MFAP3L: variants seen among roughly 807,000 people sequenced by gnomAD.
The protein encoded by MFAP3L is microfibril associated protein 3 like.
MFAP3L carries 5 observed loss-of-function variants against 20.0 expected under a neutral mutation model. That is an observed-to-expected ratio of 0.25 (90% confidence interval 0.13 to 0.53). The LOEUF (loss-of-function observed/expected upper bound fraction) is 0.53. Ranked by LOEUF, MFAP3L falls within the 20% of genes least tolerant of loss-of-function variation. The pLI, the probability that MFAP3L is intolerant of heterozygous loss-of-function variation, is 0.96. For missense variants in MFAP3L, 409 were observed against 527.5 expected, an observed-to-expected ratio of 0.78 and a Z score of 2.20; for synonymous variants, 219 against 213.0, an observed-to-expected ratio of 1.03 and a Z score of -0.25.
Position 169,992,801 on chromosome 4 carries a change from G to A in MFAP3L, c.299-492C>T, listed in dbSNP as rs778603670. On this transcript the variant is annotated intron_variant, in intron 2 of 2. Coordinates refer to ENST00000361618, the MANE Select transcript of MFAP3L (RefSeq NM_021647.8). This position sits in a 1 kb window ranked among gnomAD's most constrained non-coding sequence, Gnocchi z 4.3. ...CATTGAATATATGTTCACTGGGGAG[G>A]TTAATGCAATTAAATTGTTTACCTG... Among the ~76,000 whole-genome samples the A allele has an allele frequency of 6.6e-6, 1 of 152,190 alleles. No homozygotes were observed. The highest frequency in any genetic ancestry group is 1.5e-5 in the Non-Finnish European group (1 of 68,032).
intron 1 of MFAP3L, among the ~76,000 whole-genome samples, chr4:170,016,733 C>T (rs748984796): frequency 6.6e-6 from 1 of 152,208 alleles, no homozygotes; most frequent in Non-Finnish European, 1.5e-5. Flanking sequence ...AGACCTATTA[C>T]TAACTTACTG....
chr4:169,990,844 G>C lies in MFAP3L; in HGVS notation c.*534C>G, dbSNP rs917043181. ...CAAAGTCTCTGAGGTACGTGTTCTA[G>C]GGAAACATAAGGACAAAAGTGGCAA... On this transcript the variant is annotated 3_prime_UTR_variant, in exon 3 of 3. Coordinates refer to ENST00000361618, the MANE Select transcript of MFAP3L (RefSeq NM_021647.8). 1 of 154,616 alleles carries C rather than the reference G, an allele frequency of 6.5e-6. No individual in the cohort carries two copies. The highest frequency in any genetic ancestry group is 2.0e-4 in the South Asian group (1 of 4,972). 9.6% of individuals were successfully genotyped at this position (154,616 alleles called of 1,614,324 possible). A position where few individuals can be genotyped will look rare whatever the true frequency, so the allele number is the denominator to read the frequency against.
Position 170,026,106 on chromosome 4 carries a change from C to T in MFAP3L, c.-134+128G>A, listed in dbSNP as rs987646311. On this transcript the variant is annotated intron_variant, in intron 1 of 2. Coordinates refer to ENST00000361618, the MANE Select transcript of MFAP3L (RefSeq NM_021647.8). Reference sequence around the variant, plus strand: ...GCGGCGTCTCGCAGCGCAGCCTCCGCCGCAGTCTCAGCCAGCCCAAACACC... The same window carrying T: ...GCGGCGTCTCGCAGCGCAGCCTCCGTCGCAGTCTCAGCCAGCCCAAACACC... 9.4e-6 allele frequency: 4 copies of T among 425,010 alleles called. No homozygotes were observed. In the Admixed American group the frequency reaches 1.9e-4, roughly 20 times the overall value. The allele number at this position is 425,010 out of a possible 1,614,324, so 26.3% of individuals were successfully genotyped here.
intron 2 of MFAP3L, among the ~76,000 whole-genome samples, chr4:169,998,605 A>T (rs750559393): frequency 4.6e-4 from 70 of 152,210 alleles, no homozygotes; most frequent in Non-Finnish European, 9.0e-4. Flanking sequence ...GAAAAAAAAA[A>T]ATTATACCCA....
Position 169,995,672 on chromosome 4 carries a change from A to C in MFAP3L, c.299-3363T>G, listed in dbSNP as rs374338622. Among the ~76,000 whole-genome samples the C allele has an allele frequency of 1.4e-4, 22 of 152,322 alleles. No homozygotes were observed. In the East Asian group the frequency reaches 3.1e-3, roughly 21 times the overall value. Reference sequence around the variant, plus strand: ...AGGGTCCCGACTTCAGCTTCCAGAAAGTTATACAAACACCCACGGTGACTA... The same window carrying C: ...AGGGTCCCGACTTCAGCTTCCAGAACGTTATACAAACACCCACGGTGACTA... On this transcript the variant is annotated intron_variant, in intron 2 of 2. Transcript: ENST00000361618.
At chr4:170,023,346 G>A (rs1740153955) in intron 1 of MFAP3L, among the ~76,000 whole-genome samples, 1 of 152,150 alleles carries the variant, frequency 6.6e-6, no homozygotes, top group Admixed American at 6.5e-5. Flanking sequence ...AAAAAAATGT[G>A]ATATTTTAAT....
chr4:169,991,310 G>A lies in MFAP3L; in HGVS notation c.*68C>T, dbSNP rs948992699. 45 of 1,498,068 alleles carry A rather than the reference G, an allele frequency of 3.0e-5. No individual in the cohort carries two copies. The highest frequency in any genetic ancestry group is 3.5e-4 in the Middle Eastern group (2 of 5,686). The allele number at this position is 1,498,068 out of a possible 1,614,324, so 92.8% of individuals were successfully genotyped here. A position where few individuals can be genotyped will look rare whatever the true frequency, so the allele number is the denominator to read the frequency against. ...CCTGGTAAGGCTTAGCGGCAAGTGC[G>A]TACTACATCTGTATTACAAGGAGCA... On this transcript the variant is annotated 3_prime_UTR_variant, in exon 3 of 3. Coordinates refer to ENST00000361618, the MANE Select transcript of MFAP3L (RefSeq NM_021647.8). This position sits in a 1 kb window ranked among gnomAD's most constrained non-coding sequence, Gnocchi z 4.9.
rs533962583 is a variant in MFAP3L, at chr4:169,989,212, T to C, written c.*2166A>G. On this transcript the variant is annotated 3_prime_UTR_variant, in exon 3 of 3. Transcript: ENST00000361618. Reference sequence around the variant, plus strand: ...AGTCCAGAAAGCCCAACAGGAGTCATAATTTCTCCTGATTTCTCACTGCTC... The same window carrying C: ...AGTCCAGAAAGCCCAACAGGAGTCACAATTTCTCCTGATTTCTCACTGCTC... 127 of 152,338 alleles carry C rather than the reference T, an allele frequency of 8.3e-4. No homozygotes were observed. Among genetic ancestry groups the C allele is most frequent in the African/African-American group, 3.0e-3 (126 of 41,580 alleles). 9.4% of individuals were successfully genotyped at this position (152,338 alleles called of 1,614,324 possible).
intron 1 of MFAP3L, among the ~76,000 whole-genome samples, chr4:170,025,268 G>C (rs1740279713): frequency 6.6e-6 from 1 of 152,126 alleles, no homozygotes; most frequent in Non-Finnish European, 1.5e-5. Flanking sequence ...GTTCAGCATA[G>C]TAGCAACTGA....
At chr4:170,018,622 C>G (rs1235607608) in intron 1 of MFAP3L, among the ~76,000 whole-genome samples, 7 of 152,146 alleles carry the variant, frequency 4.6e-5, no homozygotes, top group Non-Finnish European at 1.5e-5. Flanking sequence ...TCCATTAAGG[C>G]AAAGGATGGT....
chr4:170,005,663 C>T lies in MFAP3L; in HGVS notation c.215G>A (p.Gly72Asp). The T allele has an allele frequency of 6.2e-7, 1 of 1,614,194 alleles. No homozygotes were observed. Among genetic ancestry groups the T allele is most frequent in the East Asian group, 2.2e-5 (1 of 44,886 alleles). Residue 72 changes from glycine to aspartate, a missense_variant, in exon 2 of 3, where the codon GGC becomes GAC. Physicochemically the swap from Gly to Asp is moderately conservative, Grantham distance 94. Around this residue, in one of 3 missense-constraint regions of MFAP3L, gnomAD observed 113 missense variants for 131.1 expected, o/e 0.86. Transcript: ENST00000361618. ...NSALINCSVYGIPDPQFKWYN... is the reference protein window; with the variant it reads ...NSALINCSVYDIPDPQFKWYN... ...CCACTTGAACTGTGGGTCAGGGATG[C>T]CATAAACACTACAGTTAATCAAGGC...
chr4:169,993,808 G>C (rs1737925442), intron 2 of MFAP3L: 1 of 152,108 alleles, frequency 6.6e-6, no homozygotes, highest in Non-Finnish European at 1.5e-5. Context: ...AATTCAGCCA[G>C]TGTATTTCCT....
At chr4:170,027,167 A>G (rs557737586), upstream of MFAP3L, 2 of 151,534 alleles carry the variant, frequency 1.3e-5, no homozygotes, top group Non-Finnish European at 2.9e-5. Flanking sequence ...TACCTACAGA[A>G]GTTTCGCTAC....
rs560924797 is a variant in MFAP3L, at chr4:169,989,571, G to A, written c.*1807C>T. The A allele has an allele frequency of 1.3e-5, 2 of 152,272 alleles. No homozygotes were observed. The highest frequency in any genetic ancestry group is 4.1e-4 in the South Asian group (2 of 4,824). 9.4% of individuals were successfully genotyped at this position (152,272 alleles called of 1,614,324 possible). On this transcript the variant is annotated 3_prime_UTR_variant, in exon 3 of 3. Coordinates refer to ENST00000361618, the MANE Select transcript of MFAP3L (RefSeq NM_021647.8). Reference sequence around the variant, plus strand: ...ACTAGAAGGGATCCTGTAGACCCTCGAGTACTACCTGCATATTTTACAGAT... The same window carrying A: ...ACTAGAAGGGATCCTGTAGACCCTCAAGTACTACCTGCATATTTTACAGAT...
chr4:169,994,818 C>CCT (rs1291166604), intron 2 of MFAP3L, among the ~76,000 whole-genome samples: 16 of 152,196 alleles, frequency 1.1e-4, no homozygotes, highest in African/African-American at 3.9e-4. Flanking sequence ...GGTCCACAGA[C>CCT]TAATGGTTTT....
chr4:169,997,702 A>G (rs1409571929), intron 2 of MFAP3L: 16 of 985,076 alleles, frequency 1.6e-5, no homozygotes, highest in African/African-American at 8.8e-5. Flanking sequence ...CTGGGTAGGT[A>G]TAAGGGGCAG....
chr4:169,997,987 G>A (rs1189930779), intron 2 of MFAP3L, among the ~76,000 whole-genome samples: 2 of 151,906 alleles, frequency 1.3e-5, no homozygotes, highest in East Asian at 3.9e-4. Flanking sequence ...TAGGTTGACT[G>A]GAAAAACAGC....
At chr4:169,998,169 C>T (rs1272385553) in intron 2 of MFAP3L, among the ~76,000 whole-genome samples, 5 of 152,224 alleles carry the variant, frequency 3.3e-5, no homozygotes, top group African/African-American at 1.2e-4. Context: ...CCACGGTGCT[C>T]GCCATGGTGG....
chr4:170,001,240 T>C (rs554365552), intron 2 of MFAP3L, among the ~76,000 whole-genome samples: 10 of 152,142 alleles, frequency 6.6e-5, no homozygotes, highest in Non-Finnish European at 1.2e-4. Context: ...GCAGAACTAG[T>C]TAAAAGGCAT....
Sources: allele counts gnomAD v4.1 joint callset (sites outside exome capture counted in the v4.1 genomes callset), GRCh38; gene constraint gnomAD v4.1.1; regional missense constraint gnomAD v4.1.1; non-coding constraint Gnocchi (gnomAD v3.1); transcripts MANE v1.5; gene names NCBI Gene and HGNC (gene_info 2026-07-23, HGNC 2026-07-21).